The following MAPK6 variants were observed in gnomAD, a reference collection of about 807,000 sequenced individuals.
The protein encoded by MAPK6 is ERK-3.
MAPK6 carries 19 observed loss-of-function variants against 59.3 expected under a neutral mutation model. That is an observed-to-expected ratio of 0.32 (90% confidence interval 0.22 to 0.47). The LOEUF is 0.47. Among genes scored for constraint, MAPK6 ranks in the 20% least tolerant of loss-of-function variants. The pLI is 1.00. For missense variants in MAPK6, 724 were observed against 847.9 expected (o/e 0.85, Z 1.81); for synonymous variants, 316 against 290.3 (o/e 1.09, Z -0.90).
intron 3 of MAPK6, among the ~76,000 whole-genome samples, chr15:52,054,757 C>T (rs897687363): frequency 1.1e-4 from 17 of 149,774 alleles, no homozygotes; most frequent in Middle Eastern, 3.4e-3. Flanking sequence ...CACATATACA[C>T]ATACATAGAT....
At chr15:51,996,213 CAGA>C (rs1259695437) in intron 2 of MAPK6, among the ~76,000 whole-genome samples, 2 of 152,160 alleles carry the variant, frequency 1.3e-5, no homozygotes, top group Non-Finnish European at 2.9e-5. Context: ...TATCGTATAA[CAGA>C]AGAAGACCTA....
intron 1 of MAPK6, among the ~76,000 whole-genome samples, chr15:52,032,819 G>A (rs538839252): frequency 5.1e-4 from 77 of 152,252 alleles, no homozygotes; most frequent in African/African-American, 1.8e-3. Flanking sequence ...CTAGCAGCTG[G>A]GATTACAGGC....
At chr15:52,032,376 G>A (rs2031071509) in intron 1 of MAPK6, among the ~76,000 whole-genome samples, 1 of 151,194 alleles carries the variant, frequency 6.6e-6, no homozygotes, top group Admixed American at 6.6e-5. Context: ...TTTTCATAGA[G>A]ATGGGGTTTC....
At chr15:52,028,717 A>G (rs1320372867) in intron 1 of MAPK6, among the ~76,000 whole-genome samples, 1 of 152,198 alleles carries the variant, frequency 6.6e-6, no homozygotes, top group African/African-American at 2.4e-5. Context: ...TTCCTTGTTT[A>G]TAAGCCCTCT....
At position 52,025,092 on chromosome 15, in the gene MAPK6, T is replaced by C. The variant is rs1026062405; in HGVS notation, c.-632+5716T>C. ...CCTGTCTCTACAAAATAAAATAAAA[T>C]TAGCCTGTTGTAGTGGTGCACACCT... On this transcript the variant is annotated intron_variant, in intron 1 of 5. Coordinates refer to ENST00000261845, the MANE Select transcript of MAPK6 (RefSeq NM_002748.4). Among the ~76,000 whole-genome samples the C allele has an allele frequency of 5.0e-4, 76 of 151,972 alleles. 1 individual carries two copies. The highest frequency in any genetic ancestry group is 3.4e-3 in the Middle Eastern group (1 of 294).
intron 3 of MAPK6, among the ~76,000 whole-genome samples, chr15:52,009,867 G>C (rs1249794234): frequency 1.3e-5 from 2 of 151,976 alleles, no homozygotes; most frequent in Non-Finnish European, 2.9e-5. Flanking sequence ...CTGCCTCCTG[G>C]GTTCAAGTGA....
chr15:52,037,141 AAAAG>A (rs1162018164), intron 1 of MAPK6, among the ~76,000 whole-genome samples: 1 of 152,118 alleles, frequency 6.6e-6, no homozygotes, highest in Non-Finnish European at 1.5e-5. Context: ...TACAAAAAGA[AAAAG>A]AAAAAAAAGT....
chr15:52,053,269 T>A (rs1596004107), intron 3 of MAPK6, among the ~76,000 whole-genome samples: 1 of 151,764 alleles, frequency 6.6e-6, no homozygotes, highest in South Asian at 2.1e-4. Context: ...AGAGACGGGG[T>A]TTCACCATGT....
chr15:52,000,378 C>T (rs909671556), intron 2 of MAPK6, among the ~76,000 whole-genome samples: 3 of 152,132 alleles, frequency 2.0e-5, no homozygotes, highest in Non-Finnish European at 4.4e-5. Flanking sequence ...AAGTTTTCTT[C>T]TAGGAGTTTT....
chr15:52,054,260 C>T (rs867061991), intron 3 of MAPK6, among the ~76,000 whole-genome samples: 11 of 148,770 alleles, frequency 7.4e-5, no homozygotes, highest in Non-Finnish European at 1.5e-4. Flanking sequence ...CCCAGCTACT[C>T]GGGAGGCTGA....
intron 3 of MAPK6, among the ~76,000 whole-genome samples, chr15:52,006,149 T>C (rs1472800218): frequency 6.6e-6 from 1 of 152,212 alleles, no homozygotes; most frequent in Non-Finnish European, 1.5e-5. Flanking sequence ...AAGAGACCCA[T>C]GAGTTATTGT....
chr15:52,016,107 C>CACACACACACACACACACA (rs1267339787), upstream of MAPK6, among the ~76,000 whole-genome samples: 2 of 136,212 alleles, frequency 1.5e-5, no homozygotes, highest in Admixed American at 7.4e-5. Flanking sequence ...CACACACACA[C>CACACACACACACACACACA]AAACTAAAAC....
intron 1 of MAPK6, among the ~76,000 whole-genome samples, chr15:52,038,475 T>C (rs905323784): frequency 3.3e-5 from 5 of 152,222 alleles, no homozygotes; most frequent in African/African-American, 9.6e-5. Context: ...TTTTCTCTGC[T>C]ACATTGCATG....
chr15:52,058,851 CTG>C (rs960188729), intron 4 of MAPK6, 54 bp downstream of exon 4: 14 of 1,483,416 alleles, frequency 9.4e-6, no homozygotes, highest in Middle Eastern at 1.8e-4. Context: ...GAGGCAGAAT[CTG>C]TGTAGGGAAG....
At chr15:52,040,057 T>C (rs2031369588) in intron 1 of MAPK6, among the ~76,000 whole-genome samples, 3 of 152,184 alleles carry the variant, frequency 2.0e-5, no homozygotes, top group African/African-American at 7.2e-5. Context: ...CCGCCCACCA[T>C]ACATTAGGAG....
chr15:52,054,745 C>T (rs1019075009), intron 3 of MAPK6, among the ~76,000 whole-genome samples: 14 of 141,806 alleles, frequency 9.9e-5, no homozygotes, highest in African/African-American at 4.0e-4. Context: ...CACACACACA[C>T]ACACATATAC....
intron 1 of MAPK6, among the ~76,000 whole-genome samples, chr15:52,029,264 CCT>C (rs560894227): frequency 3.8e-4 from 58 of 152,054 alleles, no homozygotes; most frequent in Non-Finnish European, 8.2e-4. Flanking sequence ...TCTCGGAACT[CCT>C]GACCTCAGCC....
At chr15:52,055,100 C>T (rs2031924342) in intron 3 of MAPK6, among the ~76,000 whole-genome samples, 2 of 152,202 alleles carry the variant, frequency 1.3e-5, no homozygotes, top group African/African-American at 4.8e-5. Context: ...ATTTTAAAGC[C>T]ACCACAGTAA....
intron 1 of MAPK6, among the ~76,000 whole-genome samples, chr15:51,972,000 G>A (rs1330290774): frequency 6.6e-6 from 1 of 152,122 alleles, no homozygotes; most frequent in Non-Finnish European, 1.5e-5. Flanking sequence ...TTCGGTTGCG[G>A]GTGTGGATGG....
Sources: gnomAD v4.1 joint callset for allele counts (sites outside exome capture counted in the v4.1 genomes callset) on GRCh38, gnomAD v4.1.1 for gene constraint, MANE v1.5 for transcripts, NCBI Gene and HGNC (gene_info 2026-07-23, HGNC 2026-07-21) for gene names.